Variants in ASIC2 observed in about 807,000 individuals in gnomAD.
ASIC2 encodes the protein acid sensing ion channel subunit 2.
In ASIC2, 25 loss-of-function variants were observed where a neutral mutation model predicts 57.3. That is an observed-to-expected ratio of 0.44 (90% CI 0.32 to 0.61). The LOEUF (loss-of-function observed/expected upper bound fraction) is 0.61, where lower values mean the gene tolerates loss of function less well. Among genes scored for constraint, ASIC2 ranks in the 20% least tolerant of loss-of-function variants. The pLI is 0.06. For missense variants in ASIC2, 641 were observed against 738.1 expected, an observed-to-expected ratio of 0.87 and a Z score of 1.52; for synonymous variants, 319 against 307.5, an observed-to-expected ratio of 1.04 and a Z score of -0.39.
chr17:33,709,923 G>A (rs1381673086), intron 1 of ASIC2, among the ~76,000 whole-genome samples: 1 of 152,140 alleles, frequency 6.6e-6, no homozygotes, highest in Non-Finnish European at 1.5e-5. Context: ...AAGTCTTTAT[G>A]GGCAACCCTT....
chr17:33,366,611 T>A (rs1908818517), intron 1 of ASIC2, among the ~76,000 whole-genome samples: 1 of 152,370 alleles, frequency 6.6e-6, no homozygotes, highest in African/African-American at 2.4e-5. Flanking sequence ...CGTTCTCTCT[T>A]ATAACCCTCA....
intron 1 of ASIC2, among the ~76,000 whole-genome samples, chr17:33,211,396 C>T (rs1308240011): frequency 6.6e-6 from 1 of 152,100 alleles, no homozygotes; most frequent in Admixed American, 6.6e-5. Flanking sequence ...TCCTCCCCTC[C>T]CTGAAAGCTG....
At chr17:33,626,704 A>G (rs185508601) in intron 1 of ASIC2, among the ~76,000 whole-genome samples, 202 of 152,222 alleles carry the variant, frequency 1.3e-3, no homozygotes, top group African/African-American at 4.7e-3. Flanking sequence ...CATCCAATCA[A>G]TTACCAAGTC....
intron 4 of ASIC2, among the ~76,000 whole-genome samples, chr17:33,027,989 T>C (rs893542539): frequency 1.3e-5 from 2 of 152,232 alleles, no homozygotes; most frequent in Non-Finnish European, 2.9e-5. Flanking sequence ...AGCAGACAAC[T>C]GGCAAACATT....
chr17:33,893,441 T>C lies in ASIC2; in HGVS notation c.555+262537A>G, dbSNP rs1915014179. 2.6e-5 allele frequency among the ~76,000 whole-genome samples: 4 copies of C among 152,192 alleles called. No individual in the cohort carries two copies. The South Asian group carries it at 8.3e-4, about 32-fold the overall frequency. ...TTTTCTCATCTTAAAAATAAAGACT[T>C]AACGTAGGTCAGGTATGGCAAATAG... On this transcript the variant is annotated intron_variant, in intron 1 of 9. Coordinates refer to the ASIC2 transcript ENST00000359872.
chr17:33,739,246 A>C (rs866139389), intron 1 of ASIC2, among the ~76,000 whole-genome samples: 1 of 152,238 alleles, frequency 6.6e-6, no homozygotes, highest in African/African-American at 2.4e-5. Flanking sequence ...TAGTGATTCT[A>C]TGTGCCTATT....
At chr17:33,395,081 A>G (rs542489059) in intron 1 of ASIC2, among the ~76,000 whole-genome samples, 56 of 150,064 alleles carry the variant, frequency 3.7e-4, no homozygotes, top group African/African-American at 1.3e-3. Flanking sequence ...TCCATCATTT[A>G]TAATTTCATT....
At chr17:33,684,306 C>T (rs1229652037) in intron 1 of ASIC2, among the ~76,000 whole-genome samples, 1 of 152,138 alleles carries the variant, frequency 6.6e-6, no homozygotes, top group Non-Finnish European at 1.5e-5. Flanking sequence ...CACCCACTCC[C>T]AGCCCGACCC....
chr17:33,083,674 G>A (rs1052872133), intron 3 of ASIC2, among the ~76,000 whole-genome samples: 6 of 152,176 alleles, frequency 3.9e-5, no homozygotes, highest in African/African-American at 1.4e-4. Context: ...ATGCACAGAG[G>A]CTGCCATCAA....
intron 1 of ASIC2, among the ~76,000 whole-genome samples, chr17:33,142,352 G>A (rs943564163): frequency 2.0e-5 from 3 of 152,202 alleles, no homozygotes; most frequent in African/African-American, 7.2e-5. Context: ...TGATAAAAGA[G>A]GTAGTAGAGA....
intron 1 of ASIC2, among the ~76,000 whole-genome samples, chr17:33,153,606 T>A (rs1415118427): frequency 6.6e-6 from 1 of 152,214 alleles, no homozygotes; most frequent in African/African-American, 2.4e-5. Flanking sequence ...GCAGGGTTTA[T>A]GCTTTCACAA....
At chr17:33,753,980 G>A (rs1483305075) in intron 1 of ASIC2, among the ~76,000 whole-genome samples, 2 of 152,194 alleles carry the variant, frequency 1.3e-5, no homozygotes, top group East Asian at 1.9e-4. Flanking sequence ...GGAAGAGAGC[G>A]TACATAGGAA....
chr17:33,510,051 G>A (rs36002692), intron 1 of ASIC2, among the ~76,000 whole-genome samples: 3,714 of 152,288 alleles, frequency 0.024, 126 homozygotes, highest in African/African-American at 0.075. Context: ...CTGTGGGGTA[G>A]CACAGAGCAG....
chr17:33,439,371 G>T (rs1911745619), intron 1 of ASIC2, among the ~76,000 whole-genome samples: 1 of 152,172 alleles, frequency 6.6e-6, no homozygotes, highest in Non-Finnish European at 1.5e-5. Flanking sequence ...AGGAGTGAAG[G>T]CTGGGAAGAA....
At chr17:33,309,212 A>G (rs922719953) in intron 1 of ASIC2, among the ~76,000 whole-genome samples, 1 of 151,298 alleles carries the variant, frequency 6.6e-6, no homozygotes, top group Admixed American at 6.6e-5. Flanking sequence ...TAGCTCAGAT[A>G]TTGACTTTCA....
intron 1 of ASIC2, among the ~76,000 whole-genome samples, chr17:33,656,194 G>C (rs938587048): frequency 1.3e-5 from 2 of 151,850 alleles, no homozygotes; most frequent in Non-Finnish European, 2.9e-5. Flanking sequence ...AAACAAACCA[G>C]AAATGACTTA....
At chr17:33,448,852 C>T (rs541039145) in intron 1 of ASIC2, among the ~76,000 whole-genome samples, 114 of 152,260 alleles carry the variant, frequency 7.5e-4, no homozygotes, top group South Asian at 5.8e-3. Context: ...ACTAGGTGTG[C>T]GATAAATGGT....
At chr17:33,089,050 T>C (rs1477737840) in intron 2 of ASIC2, 60 bp from the exon 3 acceptor site, 3 of 1,602,574 alleles carry the variant, frequency 1.9e-6, no homozygotes, top group African/African-American at 2.7e-5. Flanking sequence ...CATGGAGTCC[T>C]GGGATTGAAA....
chr17:33,044,097 T>C (rs778166041), intron 3 of ASIC2, among the ~76,000 whole-genome samples: 8 of 152,204 alleles, frequency 5.3e-5, no homozygotes, highest in Non-Finnish European at 1.2e-4. Context: ...CTTGACTCAT[T>C]CTAACACGAC....
Sources: allele counts gnomAD v4.1 joint callset (sites outside exome capture counted in the v4.1 genomes callset), GRCh38; gene constraint gnomAD v4.1.1; transcripts MANE v1.5; gene names NCBI Gene and HGNC (gene_info 2026-07-23, HGNC 2026-07-21).